Variants in ARFIP1 observed in about 807,000 individuals in gnomAD.
The protein encoded by ARFIP1 is ARF interacting protein 1.
ARFIP1 carries 24 observed loss-of-function variants against 42.5 expected under a neutral mutation model. The ratio of observed to expected loss-of-function variants is 0.57; its 90% confidence interval spans 0.41 to 0.80. The LOEUF (loss-of-function observed/expected upper bound fraction) is 0.80. ARFIP1 is among the 30% of genes least tolerant of loss of function. The pLI is 0.00. For missense variants in ARFIP1, 354 were observed against 434.0 expected, an observed-to-expected ratio of 0.82 and a Z score of 1.64; for synonymous variants, 141 against 153.7, an observed-to-expected ratio of 0.92 and a Z score of 0.61.
chr4:152,850,991 TTTAAA>T (rs1732932639), intron 2 of ARFIP1, among the ~76,000 whole-genome samples: 1 of 152,248 alleles, frequency 6.6e-6, no homozygotes, highest in Non-Finnish European at 1.5e-5. Flanking sequence ...CAAAGGAGAT[TTTAAA>T]TTAACAGAAT....
intron 1 of ARFIP1, among the ~76,000 whole-genome samples, chr4:152,783,815 G>GGGAT (rs1730640146): frequency 6.6e-6 from 1 of 152,050 alleles, no homozygotes; most frequent in African/African-American, 2.4e-5. Flanking sequence ...GTTTCCTATG[G>GGGAT]GGATGGATAT....
At chr4:152,794,259 A>G (rs758169477) in intron 1 of ARFIP1, among the ~76,000 whole-genome samples, 15 of 152,194 alleles carry the variant, frequency 9.9e-5, no homozygotes, top group Non-Finnish European at 1.8e-4. Flanking sequence ...CTCACATTGA[A>G]TTTAGCAATT....
chr4:152,826,481 G>T (rs1484195772), intron 1 of ARFIP1, among the ~76,000 whole-genome samples: 2 of 152,088 alleles, frequency 1.3e-5, no homozygotes, highest in East Asian at 1.9e-4. Context: ...AGAGGGGAGG[G>T]TGCTGGGGAG....
At chr4:152,796,276 T>G in intron 1 of ARFIP1, 1 of 1,017,924 alleles carries the variant, frequency 9.8e-7, no homozygotes, top group Non-Finnish European at 1.5e-6. Flanking sequence ...AAAAGGTGGC[T>G]TTCAGTTCAG....
chr4:152,821,366 A>C (rs1357060804), intron 1 of ARFIP1, among the ~76,000 whole-genome samples: 1 of 152,200 alleles, frequency 6.6e-6, no homozygotes, highest in African/African-American at 2.4e-5. Context: ...AGCTTTAACA[A>C]TAGACTAGAC....
chr4:152,841,548 T>C (rs542957047), intron 2 of ARFIP1, among the ~76,000 whole-genome samples: 2 of 152,328 alleles, frequency 1.3e-5, no homozygotes, highest in Non-Finnish European at 2.9e-5. Context: ...TGTTTGAAGA[T>C]TTAGAGCCCC....
At chr4:152,843,594 G>A (rs1732281428) in intron 2 of ARFIP1, among the ~76,000 whole-genome samples, 1 of 152,160 alleles carries the variant, frequency 6.6e-6, no homozygotes, top group Admixed American at 6.5e-5. Context: ...TCTTGCTGCA[G>A]CTGCTCTGGG....
At chr4:152,796,319 C>T in intron 1 of ARFIP1, 1 of 798,842 alleles carries the variant, frequency 1.3e-6, no homozygotes, top group East Asian at 2.4e-5. Context: ...GAAATGCAAG[C>T]CCATTGGCCT....
At chr4:152,892,047 A>G (rs975401133) in intron 8 of ARFIP1, among the ~76,000 whole-genome samples, 2 of 151,734 alleles carry the variant, frequency 1.3e-5, no homozygotes, top group Non-Finnish European at 2.9e-5. Flanking sequence ...TACTTTTCCT[A>G]TTTCTTCCCC....
intron 8 of ARFIP1, among the ~76,000 whole-genome samples, chr4:152,909,591 G>C (rs1738672845): frequency 6.6e-6 from 1 of 152,114 alleles, no homozygotes; most frequent in Non-Finnish European, 1.5e-5. Flanking sequence ...AGCAACACTT[G>C]CTACTTGCTT....
Position 152,912,009 on chromosome 4 carries a change from C to G in ARFIP1, c.*1790C>G, listed in dbSNP as rs1738885776. The stretch of plus-strand genomic sequence containing the variant: ...CTGAACCTTAAAAAAAAAGGTACTT[C>G]TGTCACTTATAATTGTTTTAGCTCA... On this transcript the variant is annotated 3_prime_UTR_variant, in exon 9 of 9. Transcript: ENST00000353617. 6.6e-6 allele frequency: 1 copy of G among 152,528 alleles called. No individual in the cohort carries two copies. Among genetic ancestry groups the G allele is most frequent in the African/African-American group, 2.4e-5 (1 of 41,442 alleles). 9.4% of individuals were successfully genotyped at this position (152,528 alleles called of 1,614,324 possible). A position where few individuals can be genotyped will look rare whatever the true frequency, so the allele number is the denominator to read the frequency against.
chr4:152,840,189 A>G (rs1731949839), intron 2 of ARFIP1, among the ~76,000 whole-genome samples: 1 of 152,188 alleles, frequency 6.6e-6, no homozygotes, highest in Non-Finnish European at 1.5e-5. Flanking sequence ...TCTTAGAGAA[A>G]TTTCCACGCG....
At chr4:152,781,004 C>T (rs1259013139) in intron 1 of ARFIP1, among the ~76,000 whole-genome samples, 1 of 152,134 alleles carries the variant, frequency 6.6e-6, no homozygotes, top group African/African-American at 2.4e-5. Context: ...CCCGCCCCTA[C>T]CCTGTTTTCT....
At position 152,910,839 on chromosome 4, in the gene ARFIP1, C is replaced by T. The variant is rs1170823090; in HGVS notation, c.*620C>T. ...GACTTTTTTTTAAAGACACAGAAAT[C>T]ACACTGTCATTTCTGTGAGGCTTTT... On this transcript the variant is annotated 3_prime_UTR_variant, in exon 9 of 9. Transcript: ENST00000353617. 1 of 152,220 alleles carries T rather than the reference C, an allele frequency of 6.6e-6. No homozygotes were observed. Among genetic ancestry groups the T allele is most frequent in the African/African-American group, 2.4e-5 (1 of 41,428 alleles). The allele number at this position is 152,220 out of a possible 1,614,324, so 9.4% of individuals were successfully genotyped here.
At chr4:152,903,300 A>G (rs1447232295) in intron 8 of ARFIP1, among the ~76,000 whole-genome samples, 1 of 152,202 alleles carries the variant, frequency 6.6e-6, no homozygotes, top group East Asian at 1.9e-4. Flanking sequence ...GTAAATTTGT[A>G]TCTGATTTAG....
At chr4:152,868,588 A>G (rs1734605935) in intron 3 of ARFIP1, among the ~76,000 whole-genome samples, 2 of 152,172 alleles carry the variant, frequency 1.3e-5, no homozygotes, top group Admixed American at 6.5e-5. Flanking sequence ...TTTACATATC[A>G]TTTGTTATAT....
At chr4:152,849,087 A>G (rs1012427152) in intron 2 of ARFIP1, among the ~76,000 whole-genome samples, 5 of 152,206 alleles carry the variant, frequency 3.3e-5, no homozygotes, top group African/African-American at 4.8e-5. Flanking sequence ...GCTATAGGCT[A>G]TACTTTTAAT....
chr4:152,882,992 A>G, intron 7 of ARFIP1, 112 bp downstream of exon 7: 2 of 1,137,634 alleles, frequency 1.8e-6, no homozygotes, highest in Non-Finnish European at 2.5e-6. Context: ...GCAGGAAAAA[A>G]ATGTACTGGA....
At chr4:152,861,812 G>T (rs1733915515) in intron 2 of ARFIP1, among the ~76,000 whole-genome samples, 1 of 151,972 alleles carries the variant, frequency 6.6e-6, no homozygotes, top group Non-Finnish European at 1.5e-5. Flanking sequence ...TTAATGTATG[G>T]CTATACCTTG....
Sources: allele counts gnomAD v4.1 joint callset (sites outside exome capture counted in the v4.1 genomes callset), GRCh38; gene constraint gnomAD v4.1.1; transcripts MANE v1.5; gene names NCBI Gene and HGNC (gene_info 2026-07-23, HGNC 2026-07-21).